The following UGT1A8 variants were observed in gnomAD, a reference collection of about 807,000 sequenced individuals.
The protein encoded by UGT1A8 is UDP glucuronosyltransferase family 1 member A8.
A neutral mutation model predicts 45.3 loss-of-function variants in UGT1A8; 39 were observed. That is an observed-to-expected ratio of 0.86 (90% CI 0.67 to 1.12). UGT1A8 has a LOEUF of 1.12. UGT1A8 is among the 50% of genes most tolerant of loss of function. The pLI is 0.00. For synonymous variants in UGT1A8, 275 were observed against 249.2 expected, an observed-to-expected ratio of 1.10 and a Z score of -0.97; for missense variants, 719 against 664.9, an observed-to-expected ratio of 1.08 and a Z score of -0.90.
At chr2:233,747,373 G>C in intron 1 of UGT1A8, 1 of 1,604,624 alleles carries the variant, frequency 6.2e-7, no homozygotes, top group South Asian at 1.1e-5. Flanking sequence ...CTCCATGCCA[G>C]AGGCCACCAG....
chr2:233,729,160 C>G, intron 1 of UGT1A8: 5 of 1,613,564 alleles, frequency 3.1e-6, no homozygotes, highest in Non-Finnish European at 4.2e-6. Context: ...CCTGCCGTGG[C>G]TGGCCACAGG....
At chr2:233,661,631 C>T (rs1559329387) in intron 1 of UGT1A8, among the ~76,000 whole-genome samples, 1 of 122,328 alleles carries the variant, frequency 8.2e-6, no homozygotes, top group Non-Finnish European at 1.8e-5. Context: ...AATTTTCTTT[C>T]TTTCTTTCTT....
chr2:233,636,996 T>C (rs28969684), intron 1 of UGT1A8: 5 of 1,614,148 alleles, frequency 3.1e-6, no homozygotes, highest in African/African-American at 1.3e-5. Context: ...TAATTGTTGC[T>C]AAATATTTCT....
intron 1 of UGT1A8, among the ~76,000 whole-genome samples, chr2:233,765,617 G>A (rs988431612): frequency 6.6e-6 from 1 of 151,904 alleles, no homozygotes; most frequent in Non-Finnish European, 1.5e-5. Flanking sequence ...GGGGTGAGGG[G>A]TGAGGGGAGG....
intron 1 of UGT1A8, among the ~76,000 whole-genome samples, chr2:233,758,061 G>A (rs554813737): frequency 6.6e-6 from 1 of 152,232 alleles, no homozygotes; most frequent in Non-Finnish European, 1.5e-5. Context: ...TTTCTAACTT[G>A]ACTTTCTGGG....
chr2:233,656,492 T>C (rs756117487), intron 1 of UGT1A8, among the ~76,000 whole-genome samples: 33 of 152,206 alleles, frequency 2.2e-4, no homozygotes, highest in Non-Finnish European at 4.1e-4. Flanking sequence ...TGTGCTTATT[T>C]AGCTGCTAGA....
rs1156801962 is a variant in UGT1A8, at chr2:233,725,048, G to A, written c.856-41986G>A. Among the ~76,000 whole-genome samples the A allele has an allele frequency of 5.4e-5, 8 of 147,904 alleles. 1 individual carries two copies. The highest frequency in any genetic ancestry group is 1.5e-4 in the African/African-American group (6 of 39,674). Reference sequence around the variant, plus strand: ...CGGTCTCCACCAAAACCAGTCAGGCGTGGCGGCGCGCGCCTGCAATCGCAG... The same window carrying A: ...CGGTCTCCACCAAAACCAGTCAGGCATGGCGGCGCGCGCCTGCAATCGCAG... On this transcript the variant is annotated intron_variant, in intron 1 of 4. Transcript: ENST00000373450.
intron 1 of UGT1A8, among the ~76,000 whole-genome samples, chr2:233,639,847 A>G (rs1247182979): frequency 1.3e-5 from 2 of 152,204 alleles, no homozygotes; most frequent in African/African-American, 4.8e-5. Context: ...TCAGTATTCT[A>G]ATGTGTGTGT....
intron 1 of UGT1A8, among the ~76,000 whole-genome samples, chr2:233,663,541 G>A (rs1575409679): frequency 6.6e-6 from 1 of 152,260 alleles, no homozygotes. Flanking sequence ...CTGATCTTAG[G>A]AGTGGTTTAG....
intron 1 of UGT1A8, chr2:233,648,221 A>C (rs2073650858): frequency 1.6e-6 from 1 of 642,446 alleles, no homozygotes; most frequent in South Asian, 2.6e-5. Flanking sequence ...TTGTTTAATG[A>C]CTGAAAATTA....
At chr2:233,754,204 A>G (rs1695418999) in intron 1 of UGT1A8, 1 of 163,390 alleles carries the variant, frequency 6.1e-6, no homozygotes, top group South Asian at 1.6e-4. Flanking sequence ...AAAACATTGA[A>G]GTCAAATGAT....
chr2:233,690,508 G>T, intron 1 of UGT1A8: 1 of 1,289,314 alleles, frequency 7.8e-7, no homozygotes, highest in South Asian at 1.2e-5. Context: ...ACAGAGATTT[G>T]TTTTATCTTA....
chr2:233,725,264 G>GGCAGAGGCAGAGGCA (rs1216362118), intron 1 of UGT1A8, among the ~76,000 whole-genome samples: 1 of 58,548 alleles, frequency 1.7e-5, no homozygotes, highest in African/African-American at 1.3e-4. Flanking sequence ...CAGAGGCAGA[G>GGCAGAGGCAGAGGCA]GAGGCAGAGG....
chr2:233,747,129 A>G, intron 1 of UGT1A8: 1 of 1,518,564 alleles, frequency 6.6e-7, no homozygotes, highest in Non-Finnish European at 8.9e-7. Flanking sequence ...TAAGTGGCTC[A>G]GTGACAAGGT....
intron 1 of UGT1A8, among the ~76,000 whole-genome samples, chr2:233,643,541 C>A (rs1170932874): frequency 6.6e-6 from 1 of 152,044 alleles, no homozygotes; most frequent in Non-Finnish European, 1.5e-5. Flanking sequence ...ATGCTCTATC[C>A]CCCTGCAGCA....
At chr2:233,722,497 G>A (rs147743220) in intron 1 of UGT1A8, among the ~76,000 whole-genome samples, 12 of 152,166 alleles carry the variant, frequency 7.9e-5, no homozygotes, top group African/African-American at 2.9e-4. Flanking sequence ...TTCATTTTCC[G>A]TTTCGTTAAT....
chr2:233,656,294 A>C (rs2073851427), intron 1 of UGT1A8, among the ~76,000 whole-genome samples: 1 of 152,230 alleles, frequency 6.6e-6, no homozygotes, highest in African/African-American at 2.4e-5. Flanking sequence ...TCAAATTCAC[A>C]GTCTCCGTAA....
intron 1 of UGT1A8, among the ~76,000 whole-genome samples, chr2:233,641,121 C>G (rs1196317922): frequency 1.3e-5 from 2 of 152,178 alleles, no homozygotes; most frequent in Non-Finnish European, 2.9e-5. Flanking sequence ...ATAAAATCCT[C>G]AGCAAGCCTT....
intron 1 of UGT1A8, among the ~76,000 whole-genome samples, chr2:233,645,206 C>G (rs1054082372): frequency 1.3e-5 from 2 of 152,188 alleles, no homozygotes; most frequent in African/African-American, 2.4e-5. Context: ...GACTTATTCA[C>G]TATCAAGAGA....
Sources: gnomAD v4.1 joint callset for allele counts (sites outside exome capture counted in the v4.1 genomes callset) on GRCh38, gnomAD v4.1.1 for gene constraint, MANE v1.5 for transcripts, NCBI Gene and HGNC (gene_info 2026-07-23, HGNC 2026-07-21) for gene names.